Variants in YWHAE observed in about 807,000 individuals in gnomAD.
YWHAE encodes the protein tyrosine 3-monooxygenase/tryptophan 5-monooxygenase activation protein epsilon, also known as 14-3-3 protein epsilon.
In YWHAE, 4 loss-of-function variants were observed where a neutral mutation model predicts 30.1. The ratio of observed to expected loss-of-function variants is 0.13; its 90% CI spans 0.07 to 0.30. The LOEUF (loss-of-function observed/expected upper bound fraction) is 0.30, where lower values mean the gene tolerates loss of function less well. YWHAE is among the 10% of genes least tolerant of loss of function. The pLI, the probability that YWHAE is intolerant of heterozygous loss-of-function variation, is 1.00. For synonymous variants in YWHAE, 118 were observed against 111.8 expected (o/e 1.06, Z -0.35); for missense variants, 121 against 315.9 (o/e 0.38, Z 4.68).
chr17:1,355,701 A>C (rs1567958618), intron 4 of YWHAE, among the ~76,000 whole-genome samples: 1 of 152,174 alleles, frequency 6.6e-6, no homozygotes, highest in Non-Finnish European at 1.5e-5. Context: ...ACATCAACTT[A>C]AAAATTTAGA....
Position 1,354,490 on chromosome 17 carries a change from A to T in YWHAE, c.579-143T>A, listed in dbSNP as rs1598228071. On this transcript the variant is annotated intron_variant, in intron 4 of 5. Coordinates refer to ENST00000264335, the MANE Select transcript of YWHAE (RefSeq NM_006761.5). The stretch of plus-strand genomic sequence containing the variant: ...ATGCAAAGAAAAAGCAAATACAATA[A>T]AAATTAACTTAAAGGTATGTGGAAC... The T allele has an allele frequency of 1.4e-5, 12 of 836,692 alleles. No individual in the cohort carries two copies. In the East Asian group the frequency reaches 3.2e-4, roughly 22 times the overall value. 51.8% of individuals were successfully genotyped at this position (836,692 alleles called of 1,614,324 possible).
At chr17:1,351,860 T>C (rs1598224677) in intron 5 of YWHAE, among the ~76,000 whole-genome samples, 1 of 152,148 alleles carries the variant, frequency 6.6e-6, no homozygotes, top group Non-Finnish European at 1.5e-5. Context: ...TGATCTCAGC[T>C]CACTGCAACC....
At chr17:1,349,772 C>T (rs908555688) in intron 5 of YWHAE, among the ~76,000 whole-genome samples, 22 of 151,638 alleles carry the variant, frequency 1.5e-4, no homozygotes, top group Non-Finnish European at 2.5e-4. Context: ...ACCACCACGC[C>T]CGGGTAATTT....
At chr17:1,363,749 AG>A (rs2072899513) in intron 2 of YWHAE, among the ~76,000 whole-genome samples, 1 of 152,212 alleles carries the variant, frequency 6.6e-6, no homozygotes, top group African/African-American at 2.4e-5. Context: ...ACAGCTGGCG[AG>A]TCAGTAACTG....
chr17:1,370,300 TG>T (rs1207620451), intron 1 of YWHAE, among the ~76,000 whole-genome samples: 1 of 151,102 alleles, frequency 6.6e-6, no homozygotes, highest in African/African-American at 2.4e-5. Context: ...TGAATTTTTT[TG>T]TGTGTATTTT....
intron 1 of YWHAE, among the ~76,000 whole-genome samples, chr17:1,390,715 T>C (rs532379913): frequency 2.0e-5 from 3 of 152,348 alleles, no homozygotes; most frequent in East Asian, 3.9e-4. Flanking sequence ...ATGCATCTCC[T>C]TCAAACTTTA....
At chr17:1,383,469 C>T (rs1193272854) in intron 1 of YWHAE, among the ~76,000 whole-genome samples, 1 of 148,612 alleles carries the variant, frequency 6.7e-6, no homozygotes, top group Non-Finnish European at 1.5e-5. Flanking sequence ...CTCCTGGCAA[C>T]CTCTACCTCC....
intron 1 of YWHAE, among the ~76,000 whole-genome samples, chr17:1,394,931 C>T (rs910211456): frequency 6.6e-6 from 1 of 152,150 alleles, no homozygotes; most frequent in Non-Finnish European, 1.5e-5. Context: ...CCTACCACTA[C>T]ACTCCACCCT....
At chr17:1,376,741 T>C (rs1048904888) in intron 1 of YWHAE, among the ~76,000 whole-genome samples, 18 of 152,096 alleles carry the variant, frequency 1.2e-4, no homozygotes, top group African/African-American at 3.9e-4. Flanking sequence ...TACAAAATCA[T>C]AAAAGGAGCA....
At chr17:1,367,560 G>GT (rs2072963917) in intron 1 of YWHAE, among the ~76,000 whole-genome samples, 1 of 152,160 alleles carries the variant, frequency 6.6e-6, no homozygotes, top group Non-Finnish European at 1.5e-5. Context: ...TGGTACAAAA[G>GT]TAATTGCGCA....
At chr17:1,358,705 C>T (rs962220297) in intron 4 of YWHAE, among the ~76,000 whole-genome samples, 1 of 151,858 alleles carries the variant, frequency 6.6e-6, no homozygotes, top group Non-Finnish European at 1.5e-5. Flanking sequence ...TGGCACATGC[C>T]TGTAATCCCA....
intron 2 of YWHAE, among the ~76,000 whole-genome samples, chr17:1,363,594 G>C (rs533119177): frequency 6.6e-6 from 1 of 152,096 alleles, no homozygotes; most frequent in Non-Finnish European, 1.5e-5. Flanking sequence ...GTGACCTCAG[G>C]TATGTCAAAC....
At chr17:1,384,462 C>A (rs1012056749) in intron 1 of YWHAE, among the ~76,000 whole-genome samples, 2 of 150,980 alleles carry the variant, frequency 1.3e-5, no homozygotes, top group African/African-American at 2.4e-5. Flanking sequence ...GAGGCCAAGG[C>A]GGGCAGATCA....
Position 1,345,170 on chromosome 17 carries a change from C to T in YWHAE, c.*277G>A. On this transcript the variant is annotated 3_prime_UTR_variant, in exon 6 of 6. Transcript: ENST00000264335. ...CTTGCCACATCTGGCACGGAGACGA[C>T]ACAGTAATGCTGAAAAAGCCTCTAT... 2.2e-6 allele frequency: 1 copy of T among 464,630 alleles called. No homozygotes were observed. The highest frequency in any genetic ancestry group is 3.8e-6 in the Non-Finnish European group (1 of 262,304). 28.8% of individuals were successfully genotyped at this position (464,630 alleles called of 1,614,324 possible). A position where few individuals can be genotyped will look rare whatever the true frequency, so the allele number is the denominator to read the frequency against.
intron 1 of YWHAE, among the ~76,000 whole-genome samples, chr17:1,381,121 A>C (rs952161078): frequency 6.6e-6 from 1 of 152,136 alleles, no homozygotes; most frequent in African/African-American, 2.4e-5. Context: ...GCAGTGGCTC[A>C]CGTCTGTAAT....
intron 1 of YWHAE, among the ~76,000 whole-genome samples, chr17:1,373,384 G>A (rs1030767256): frequency 5.3e-5 from 8 of 151,838 alleles, no homozygotes; most frequent in Non-Finnish European, 8.8e-5. Context: ...AAAGTTTGAG[G>A]CCGGGCGAGG....
At chr17:1,377,111 A>G (rs535680574) in intron 1 of YWHAE, among the ~76,000 whole-genome samples, 1 of 152,056 alleles carries the variant, frequency 6.6e-6, no homozygotes, top group Non-Finnish European at 1.5e-5. Flanking sequence ...ACAGGGTTTC[A>G]CCATGTTGGC....
chr17:1,355,836 C>G (rs2072731610), intron 4 of YWHAE, among the ~76,000 whole-genome samples: 1 of 152,006 alleles, frequency 6.6e-6, no homozygotes, highest in Admixed American at 6.6e-5. Flanking sequence ...GCCAGGAGTT[C>G]AAGACCAGCC....
intron 1 of YWHAE, among the ~76,000 whole-genome samples, chr17:1,397,576 G>A (rs1269570311): frequency 6.6e-6 from 1 of 152,098 alleles, no homozygotes; most frequent in Non-Finnish European, 1.5e-5. Flanking sequence ...AGAGATAAAA[G>A]GGCAGCTGGA....
Sources: gnomAD v4.1 joint callset for allele counts (sites outside exome capture counted in the v4.1 genomes callset) on GRCh38, gnomAD v4.1.1 for gene constraint, MANE v1.5 for transcripts, NCBI Gene and HGNC (gene_info 2026-07-23, HGNC 2026-07-21) for gene names.